Variants in KCNK9 observed in about 807,000 individuals in gnomAD.
The protein encoded by KCNK9 is potassium two pore domain channel subfamily K member 9.
In KCNK9, 1 loss-of-function variant was observed where a neutral mutation model predicts 10.8. That is an observed-to-expected ratio of 0.09 (90% CI 0.03 to 0.44). The LOEUF (loss-of-function observed/expected upper bound fraction) is 0.44. Among genes scored for constraint, KCNK9 ranks in the 20% least tolerant of loss-of-function variants. KCNK9 has a pLI of 0.97. For missense variants in KCNK9, 303 were observed against 515.0 expected, an observed-to-expected ratio of 0.59 and a Z score of 3.98; for synonymous variants, 231 against 222.7, an observed-to-expected ratio of 1.04 and a Z score of -0.33.
At chr8:139,609,597 A>T (rs1408849336), downstream of KCNK9, among the ~76,000 whole-genome samples, 1 of 152,224 alleles carries the variant, frequency 6.6e-6, no homozygotes, top group African/African-American at 2.4e-5. Context: ...CTCTGCAGAT[A>T]CTGATGACTC....
chr8:139,630,954 T>C (rs1815150536), intron 1 of KCNK9, among the ~76,000 whole-genome samples: 1 of 152,260 alleles, frequency 6.6e-6, no homozygotes, highest in African/African-American at 2.4e-5. Flanking sequence ...AGGAGCCGAA[T>C]GGTCCGCTAG....
downstream of KCNK9, chr8:139,612,608 C>T (rs1190380069): frequency 2.6e-5 from 4 of 152,298 alleles, no homozygotes; most frequent in South Asian, 2.1e-4. Context: ...ATCCCGAAGC[C>T]GTGTTCGGCT....
intron 1 of KCNK9, among the ~76,000 whole-genome samples, chr8:139,676,877 A>G (rs1243631567): frequency 2.0e-5 from 3 of 152,200 alleles, no homozygotes; most frequent in African/African-American, 7.2e-5. Context: ...ATTTGAACCC[A>G]GGAGGTGGAG....
At chr8:139,638,439 C>G (rs1027564001) in intron 1 of KCNK9, among the ~76,000 whole-genome samples, 1 of 152,184 alleles carries the variant, frequency 6.6e-6, no homozygotes, top group South Asian at 2.1e-4. Flanking sequence ...GGTGGGGGAG[C>G]CATTCTTCCA....
At chr8:139,626,632 T>C (rs1586641354) in intron 1 of KCNK9, among the ~76,000 whole-genome samples, 1 of 152,138 alleles carries the variant, frequency 6.6e-6, no homozygotes, top group Non-Finnish European at 1.5e-5. Context: ...GGAGCGGCTG[T>C]CATGCAGGTG....
intron 1 of KCNK9, among the ~76,000 whole-genome samples, chr8:139,643,472 G>A (rs977761847): frequency 1.3e-5 from 2 of 152,214 alleles, no homozygotes; most frequent in African/African-American, 4.8e-5. Flanking sequence ...GGGGCTGCAG[G>A]GACTGAGGGA....
intron 1 of KCNK9, among the ~76,000 whole-genome samples, chr8:139,660,623 A>AAAAAAT (rs1330934989): frequency 6.6e-6 from 1 of 151,956 alleles, no homozygotes; most frequent in Non-Finnish European, 1.5e-5. Flanking sequence ...CCTGTCTTTA[A>AAAAAAT]AAAAATAAAA....
rs373274038 is a variant in KCNK9 at position 139,619,110 on chromosome 8, G to A, written c.284-11C>T. 6.2e-7 allele frequency: 1 copy of A among 1,613,756 alleles called. No homozygotes were observed. The highest frequency in any genetic ancestry group is 2.2e-5 in the East Asian group (1 of 44,870). ...CAGCGTGCCCATAACCTGTGGGAAG[G>A]GGATGAGAAGAACAGAGAGAGCAAG... On this transcript the variant is annotated splice_polypyrimidine_tract_variant and intron_variant, in intron 1 of 1. Coordinates refer to ENST00000520439, the MANE Select transcript of KCNK9 (RefSeq NM_001282534.2).
chr8:139,680,231 G>T (rs1816658664), intron 1 of KCNK9, among the ~76,000 whole-genome samples: 1 of 152,196 alleles, frequency 6.6e-6, no homozygotes, highest in Non-Finnish European at 1.5e-5. Flanking sequence ...GGGACCACAA[G>T]TTCCCGTGTC....
chr8:139,615,961 G>T (rs1814577120), downstream of KCNK9: 1 of 152,078 alleles, frequency 6.6e-6, no homozygotes, highest in African/African-American at 2.4e-5. Flanking sequence ...GGGGAAAAAG[G>T]CAGGCGCCCT....
intron 1 of KCNK9, among the ~76,000 whole-genome samples, chr8:139,656,976 G>A (rs2129691461): frequency 6.6e-6 from 1 of 152,274 alleles, no homozygotes; most frequent in South Asian, 2.1e-4. Flanking sequence ...GCAGCCCCTT[G>A]GCCTCAGTAC....
chr8:139,612,553 A>AGGG (rs1814461170), downstream of KCNK9: 1 of 192 alleles, frequency 5.2e-3, no homozygotes, highest in Non-Finnish European at 0.011. Context: ...GGGAATGAGT[A>AGGG]GAGCATTCGC....
At chr8:139,698,825 C>T (rs979854602) in intron 1 of KCNK9, among the ~76,000 whole-genome samples, 1 of 152,148 alleles carries the variant, frequency 6.6e-6, no homozygotes, top group Admixed American at 6.6e-5. Context: ...TTTAAGGTGC[C>T]GTTTATGAAT....
intron 1 of KCNK9, among the ~76,000 whole-genome samples, chr8:139,660,585 C>A (rs1298059278): frequency 6.6e-6 from 1 of 151,526 alleles, no homozygotes; most frequent in Non-Finnish European, 1.5e-5. Context: ...TGCACCACTG[C>A]AATCCAGCCT....
rs927342385 is a variant in KCNK9, at chr8:139,695,659, T to C, written c.283+7051A>G. 2.6e-5 allele frequency among the ~76,000 whole-genome samples: 4 copies of C among 152,180 alleles called. No individual in the cohort carries two copies. The South Asian group carries it at 8.3e-4, about 31-fold the overall frequency. On this transcript the variant is annotated intron_variant, in intron 1 of 1. Transcript: ENST00000520439. Reference sequence around the variant, plus strand: ...GCTGGCCATAGCAGGGTGCTCCACCTGGAGGTGGGAAGGACCCTCCTCCAA... The same window carrying C: ...GCTGGCCATAGCAGGGTGCTCCACCCGGAGGTGGGAAGGACCCTCCTCCAA...
intron 1 of KCNK9, among the ~76,000 whole-genome samples, chr8:139,630,797 C>T (rs1226003781): frequency 6.6e-6 from 1 of 152,202 alleles, no homozygotes; most frequent in Non-Finnish European, 1.5e-5. Context: ...AGGCTGCGGT[C>T]AAGGCACACC....
At chr8:139,609,030 A>T (rs920074522), downstream of KCNK9, among the ~76,000 whole-genome samples, 1 of 146,108 alleles carries the variant, frequency 6.8e-6, no homozygotes, top group Non-Finnish European at 1.5e-5. Context: ...CCTGGAGATG[A>T]CACCCCCTCC....
intron 1 of KCNK9, among the ~76,000 whole-genome samples, chr8:139,624,639 C>T (rs546394353): frequency 1.3e-5 from 2 of 152,310 alleles, no homozygotes; most frequent in Admixed American, 1.3e-4. Flanking sequence ...CTCAGCCCAG[C>T]CCCATGTCCC....
chr8:139,632,834 C>A (rs1815215456), intron 1 of KCNK9, among the ~76,000 whole-genome samples: 1 of 152,098 alleles, frequency 6.6e-6, no homozygotes, highest in African/African-American at 2.4e-5. Context: ...ATGCATGAAG[C>A]CAATGGCATT....
Sources: allele counts gnomAD v4.1 joint callset (sites outside exome capture counted in the v4.1 genomes callset), GRCh38; gene constraint gnomAD v4.1.1; transcripts MANE v1.5; gene names NCBI Gene and HGNC (gene_info 2026-07-23, HGNC 2026-07-21).